Variants in CSMD3 observed in about 807,000 individuals in gnomAD.
CSMD3 encodes the protein CUB and Sushi multiple domains 3.
In CSMD3, 177 loss-of-function variants were observed where a neutral mutation model predicts 435.2. The ratio of observed to expected loss-of-function variants is 0.41; its 90% CI spans 0.36 to 0.46. CSMD3 has a LOEUF of 0.46. Ranked by LOEUF, CSMD3 falls within the 20% of genes least tolerant of loss-of-function variation. The pLI is 0.34. For synonymous variants in CSMD3, 1,656 were observed against 1,520.5 expected, an observed-to-expected ratio of 1.09 and a Z score of -2.07; for missense variants, 4,265 against 4,504.6, an observed-to-expected ratio of 0.95 and a Z score of 1.52.
At chr8:113,245,394 TTTC>T (rs1211488561) in intron 3 of CSMD3, among the ~76,000 whole-genome samples, 3 of 152,026 alleles carry the variant, frequency 2.0e-5, no homozygotes, top group African/African-American at 4.8e-5. Context: ...ATCATTTTAA[TTTC>T]TTTTTTATTT....
At chr8:112,424,192 T>C (rs1812813769) in intron 32 of CSMD3, among the ~76,000 whole-genome samples, 1 of 152,128 alleles carries the variant, frequency 6.6e-6, no homozygotes, top group Admixed American at 6.6e-5. Context: ...AATTAACGAT[T>C]CAAAGCCCAG....
At chr8:113,319,983 A>C (rs1292940267) in intron 1 of CSMD3, among the ~76,000 whole-genome samples, 1 of 152,002 alleles carries the variant, frequency 6.6e-6, no homozygotes, top group African/African-American at 2.4e-5. Context: ...TTCATGCCTT[A>C]CAGGTAAAAT....
At chr8:112,834,806 T>C (rs886490518) in intron 11 of CSMD3, among the ~76,000 whole-genome samples, 2 of 151,854 alleles carry the variant, frequency 1.3e-5, no homozygotes, top group African/African-American at 4.8e-5. Flanking sequence ...AAAAATATTA[T>C]GCATTTAGTG....
intron 35 of CSMD3, among the ~76,000 whole-genome samples, chr8:112,404,397 G>A (rs1222039968): frequency 1.3e-5 from 2 of 151,980 alleles, no homozygotes; most frequent in Non-Finnish European, 2.9e-5. Context: ...GAGCATGGTG[G>A]TGGGTGCCTG....
intron 3 of CSMD3, among the ~76,000 whole-genome samples, chr8:113,219,980 C>T (rs1588301083): frequency 1.3e-5 from 2 of 151,362 alleles, no homozygotes; most frequent in African/African-American, 4.8e-5. Flanking sequence ...ATCATAAACA[C>T]ACAATTCAAT....
chr8:112,257,939 A>G (rs1815963447), intron 61 of CSMD3, among the ~76,000 whole-genome samples: 1 of 152,210 alleles, frequency 6.6e-6, no homozygotes, highest in African/African-American at 2.4e-5. Flanking sequence ...AGATATATAG[A>G]CCAATGGAAC....
chr8:112,357,486 A>G (rs1254956968), intron 38 of CSMD3, among the ~76,000 whole-genome samples: 1 of 152,090 alleles, frequency 6.6e-6, no homozygotes, highest in African/African-American at 2.4e-5. Context: ...ATAAATTTGC[A>G]TAAGCAATGA....
chr8:112,650,930 T>G (rs778282789), intron 18 of CSMD3, among the ~76,000 whole-genome samples: 3 of 92,924 alleles, frequency 3.2e-5, no homozygotes, highest in Non-Finnish European at 6.9e-5. Flanking sequence ...TGTTTTTCCT[T>G]TAATAAGATA....
At chr8:112,992,948 A>G (rs2085510515) in intron 6 of CSMD3, among the ~76,000 whole-genome samples, 1 of 151,668 alleles carries the variant, frequency 6.6e-6, no homozygotes, top group South Asian at 2.1e-4. Flanking sequence ...CCCTAACAAG[A>G]TCATCCCAAA....
Position 112,563,923 on chromosome 8 carries a change from C to T in CSMD3, c.4043-6969G>A, listed in dbSNP as rs546066644. Among the ~76,000 whole-genome samples the T allele has an allele frequency of 3.9e-5, 6 of 152,142 alleles. No individual in the cohort carries two copies. In the East Asian group the frequency reaches 1.2e-3, roughly 29 times the overall value. On this transcript the variant is annotated intron_variant, in intron 24 of 70. Transcript: ENST00000297405. ...GTTGTAACAAGGTTTGAGGAAGGCACATCTCACACAAGTGTGAAAACCTAA... is the reference window on the plus strand; with the variant it reads ...GTTGTAACAAGGTTTGAGGAAGGCATATCTCACACAAGTGTGAAAACCTAA...
At chr8:112,542,483 T>C (rs1417937297) in intron 27 of CSMD3, among the ~76,000 whole-genome samples, 1 of 151,786 alleles carries the variant, frequency 6.6e-6, no homozygotes, top group African/African-American at 2.4e-5. Context: ...AAAATCAACA[T>C]ACAAAAATCA....
At chr8:112,537,161 A>G (rs1288777935) in intron 27 of CSMD3, among the ~76,000 whole-genome samples, 1 of 151,984 alleles carries the variant, frequency 6.6e-6, no homozygotes, top group African/African-American at 2.4e-5. Flanking sequence ...CTAAAACTTA[A>G]AGTATAATAA....
chr8:113,233,032 A>G (rs72687673), intron 3 of CSMD3, among the ~76,000 whole-genome samples: 10,035 of 151,988 alleles, frequency 0.066, 446 homozygotes, highest in Non-Finnish European at 0.094. Context: ...ATAAATTTTA[A>G]CAATTGATTC....
At chr8:113,000,433 C>T (rs2131066360) in intron 6 of CSMD3, among the ~76,000 whole-genome samples, 1 of 152,088 alleles carries the variant, frequency 6.6e-6, no homozygotes, top group East Asian at 1.9e-4. Context: ...TGGACTTTGA[C>T]AAAATCACTC....
chr8:112,515,803 G>C (rs1351656880), intron 28 of CSMD3, among the ~76,000 whole-genome samples: 1 of 151,816 alleles, frequency 6.6e-6, no homozygotes, highest in Non-Finnish European at 1.5e-5. Context: ...GGTGCATTTA[G>C]TGTTTTCTTA....
intron 4 of CSMD3, among the ~76,000 whole-genome samples, chr8:113,137,004 T>C (rs1218156096): frequency 6.6e-6 from 1 of 151,680 alleles, no homozygotes; most frequent in Non-Finnish European, 1.5e-5. Context: ...GAAAGTTTAG[T>C]AGGTTTCCTC....
intron 13 of CSMD3, among the ~76,000 whole-genome samples, chr8:112,767,769 T>G (rs1362889254): frequency 6.6e-6 from 1 of 151,868 alleles, no homozygotes; most frequent in East Asian, 1.9e-4. Context: ...TAATATCAAT[T>G]TTAAATACCC....
chr8:113,275,542 T>C (rs995444904), intron 3 of CSMD3, among the ~76,000 whole-genome samples: 2 of 152,056 alleles, frequency 1.3e-5, no homozygotes, highest in Non-Finnish European at 2.9e-5. Flanking sequence ...GAAACACAGA[T>C]AAATGAATAA....
intron 4 of CSMD3, among the ~76,000 whole-genome samples, chr8:113,130,398 C>G (rs2091255196): frequency 6.6e-6 from 1 of 152,030 alleles, no homozygotes; most frequent in Non-Finnish European, 1.5e-5. Flanking sequence ...TGAGTCATCA[C>G]CAGATCTGAT....
Sources: allele counts gnomAD v4.1 joint callset (sites outside exome capture counted in the v4.1 genomes callset), GRCh38; gene constraint gnomAD v4.1.1; transcripts MANE v1.5; gene names NCBI Gene and HGNC (gene_info 2026-07-23, HGNC 2026-07-21).